Variants in PIK3CB observed in about 807,000 individuals in gnomAD.
The protein encoded by PIK3CB is phosphatidylinositol-4,5-bisphosphate 3-kinase catalytic subunit beta.
A neutral mutation model predicts 136.8 loss-of-function variants in PIK3CB; 39 were observed. The observed-to-expected ratio is 0.29, with a 90% CI of 0.22 to 0.37. The LOEUF is 0.37. PIK3CB is among the 10% of genes least tolerant of loss of function. The pLI, the probability that PIK3CB is intolerant of heterozygous loss-of-function variation, is 1.00. For synonymous variants in PIK3CB, 428 were observed against 436.6 expected, an observed-to-expected ratio of 0.98 and a Z score of 0.25; for missense variants, 868 against 1,275.4, an observed-to-expected ratio of 0.68 and a Z score of 4.87.
In PIK3CB at chr3:138,682,091, G is replaced by C. The variant is rs201269808; in HGVS notation, c.2426-46C>G. 196 of 1,140,538 alleles carry C rather than the reference G, an allele frequency of 1.7e-4. No individual in the cohort carries two copies. The African/African-American group carries it at 2.9e-3, about 17-fold the overall frequency. The allele number at this position is 1,140,538 out of a possible 1,614,324, so 70.7% of individuals were successfully genotyped here. On this transcript the variant is annotated intron_variant, in intron 18 of 23. Coordinates refer to ENST00000674063, the MANE Select transcript of PIK3CB (RefSeq NM_006219.3). ...TCATTACAAGTGCTTTTCCTTTTAT[G>C]CCCTGTAACTCATTAATTCAAGACT...
intron 8 of PIK3CB, among the ~76,000 whole-genome samples, chr3:138,723,745 A>C (rs1476290382): frequency 6.6e-6 from 1 of 152,098 alleles, no homozygotes; most frequent in Non-Finnish European, 1.5e-5. Flanking sequence ...GCATTCCTAT[A>C]CTCACCAATT....
intron 2 of PIK3CB, among the ~76,000 whole-genome samples, chr3:138,792,109 C>T (rs1015753481): frequency 7.2e-5 from 11 of 152,010 alleles, no homozygotes; most frequent in Admixed American, 6.6e-4. Flanking sequence ...GCAGGAGAAT[C>T]GCTTGAACCA....
chr3:138,818,428 C>A (rs1933424142), intron 1 of PIK3CB, among the ~76,000 whole-genome samples: 1 of 152,144 alleles, frequency 6.6e-6, no homozygotes, highest in East Asian at 1.9e-4. Flanking sequence ...CTTCCTTTTT[C>A]TTATTTGTAA....
At chr3:138,655,690 T>C (rs779469238) in intron 23 of PIK3CB, among the ~76,000 whole-genome samples, 164 bp from the exon 24 acceptor site, 2 of 152,100 alleles carry the variant, frequency 1.3e-5, no homozygotes, top group Non-Finnish European at 2.9e-5. Context: ...AACCCCAAGA[T>C]AGGGAGATAA....
intron 4 of PIK3CB, among the ~76,000 whole-genome samples, chr3:138,747,095 T>TAC (rs1461331960): frequency 1.0e-4 from 9 of 87,564 alleles, no homozygotes; most frequent in African/African-American, 3.8e-4. Context: ...TATATATATA[T>TAC]ATATATATAT....
Position 138,707,140 on chromosome 3 carries a change from C to T in PIK3CB, c.1530+19G>A, listed in dbSNP as rs1486392696. ...TTCAATCATTTCATGCATAGAGGTC[C>T]TTTAAATAATTAGCTTACCTTATCG... On this transcript the variant is annotated intron_variant, in intron 11 of 23. Transcript: ENST00000674063. The T allele has an allele frequency of 1.4e-6, 2 of 1,386,372 alleles. No individual in the cohort carries two copies. Among genetic ancestry groups the T allele is most frequent in the Non-Finnish European group, 1.0e-6 (1 of 973,374 alleles). 85.9% of individuals were successfully genotyped at this position (1,386,372 alleles called of 1,614,324 possible).
intron 8 of PIK3CB, among the ~76,000 whole-genome samples, chr3:138,727,174 T>C (rs1259744639): frequency 6.6e-6 from 1 of 151,336 alleles, no homozygotes; most frequent in Non-Finnish European, 1.5e-5. Flanking sequence ...GGAGGCAGAG[T>C]GGTGAGTCAA....
At chr3:138,773,094 T>C (rs2045819394) in intron 2 of PIK3CB, among the ~76,000 whole-genome samples, 2 of 151,968 alleles carry the variant, frequency 1.3e-5, no homozygotes, top group African/African-American at 4.8e-5. Flanking sequence ...AATATGTATG[T>C]GTTCATTAGT....
intron 11 of PIK3CB, among the ~76,000 whole-genome samples, chr3:138,706,216 T>A (rs2044375163): frequency 6.6e-6 from 1 of 152,212 alleles, no homozygotes; most frequent in South Asian, 2.1e-4. Flanking sequence ...CCAGCCTGGA[T>A]GACAGAGAAA....
intron 1 of PIK3CB, among the ~76,000 whole-genome samples, chr3:138,831,931 A>T (rs1234612783): frequency 6.6e-6 from 1 of 152,138 alleles, no homozygotes. Flanking sequence ...ACAAACAAAC[A>T]AACAAAACAG....
intron 10 of PIK3CB, among the ~76,000 whole-genome samples, chr3:138,708,773 G>T (rs1040602550): frequency 2.0e-5 from 3 of 151,584 alleles, no homozygotes; most frequent in Non-Finnish European, 4.4e-5. Context: ...TACAACTCTA[G>T]AGCTGATTTC....
rs1161306232 is a variant in PIK3CB at position 138,779,695 on chromosome 3, A to ATT, written c.-17+16767_-17+16768insAA. Among the ~76,000 whole-genome samples the ATT allele has an allele frequency of 2.1e-4, 20 of 95,156 alleles. No individual in the cohort carries two copies. The South Asian group carries it at 5.8e-3, about 28-fold the overall frequency. The allele number at this position is 95,156 out of a possible 152,430, so 62.4% of individuals were successfully genotyped here. A position where few individuals can be genotyped will look rare whatever the true frequency, so the allele number is the denominator to read the frequency against. ...AGCATGAAATCGCTGCACCTGGCCA[A>ATT]ATTTTTTTTTTTTTTAATAGAGACA... On this transcript the variant is annotated intron_variant, in intron 2 of 23. Transcript: ENST00000674063.
chr3:138,761,039 T>G (rs530311608), intron 2 of PIK3CB, among the ~76,000 whole-genome samples: 1 of 152,204 alleles, frequency 6.6e-6, no homozygotes, highest in Non-Finnish European at 1.5e-5. Flanking sequence ...CATTAATAGA[T>G]GCTAAAGACA....
At chr3:138,694,398 A>G (rs2044091602) in intron 14 of PIK3CB, among the ~76,000 whole-genome samples, 1 of 152,124 alleles carries the variant, frequency 6.6e-6, no homozygotes, top group African/African-American at 2.4e-5. Context: ...GGGTGACTTC[A>G]CTGGAAAAGA....
At chr3:138,764,452 A>C (rs1388273161) in intron 2 of PIK3CB, among the ~76,000 whole-genome samples, 2 of 152,086 alleles carry the variant, frequency 1.3e-5, no homozygotes, top group Non-Finnish European at 2.9e-5. Flanking sequence ...TATGTCTCAA[A>C]AAGTAAAATA....
intron 19 of PIK3CB, 23 bp downstream of exon 19, chr3:138,681,940 GAAAA>G: frequency 1.7e-6 from 2 of 1,155,344 alleles, no homozygotes; most frequent in Non-Finnish European, 2.4e-6. Context: ...ACATTAGACT[GAAAA>G]AAAAAAAAAG....
chr3:138,694,861 G>A lies in PIK3CB; in HGVS notation c.1817C>T (p.Ala606Val). 6.2e-7 allele frequency: 1 copy of A among 1,612,768 alleles called. No individual in the cohort carries two copies. The highest frequency in any genetic ancestry group is 2.2e-5 in the East Asian group (1 of 44,832). Residue 606 changes from alanine to valine, a missense_variant, in exon 14 of 24, where the codon GCC becomes GTC. Ala to Val is a moderately conservative substitution (Grantham distance 64). Around this residue, in one of 4 missense-constraint regions of PIK3CB, gnomAD observed 612 missense variants for 801.1 expected, o/e 0.76. Transcript: ENST00000674063. ...QIWPKLPPREALELLDFNYPD... is the reference protein window; with the variant it reads ...QIWPKLPPREVLELLDFNYPD... The stretch of plus-strand genomic sequence containing the variant: ...ATAGTTGAAATCCAGAAGCTCTAGG[G>A]CCTCCCGGGGGGGCAGTTTAGGCCA...
At chr3:138,709,967 C>G (rs2044461444) in intron 10 of PIK3CB, among the ~76,000 whole-genome samples, 1 of 148,046 alleles carries the variant, frequency 6.8e-6, no homozygotes, top group South Asian at 2.1e-4. Flanking sequence ...CACTTGAGCC[C>G]AGGAGTTCGA....
chr3:138,718,864 C>A (rs890707935), intron 8 of PIK3CB, among the ~76,000 whole-genome samples: 4 of 152,086 alleles, frequency 2.6e-5, no homozygotes, highest in African/African-American at 4.8e-5. Context: ...AGGTGTGCAG[C>A]CTTATTTCTG....
Sources: gnomAD v4.1 joint callset for allele counts (sites outside exome capture counted in the v4.1 genomes callset) on GRCh38, gnomAD v4.1.1 for gene constraint, gnomAD v4.1.1 regional missense constraint, MANE v1.5 for transcripts, NCBI Gene and HGNC (gene_info 2026-07-23, HGNC 2026-07-21) for gene names.